The following KALRN variants were observed in gnomAD, a reference collection of about 807,000 sequenced individuals.
KALRN encodes kalirin.
In KALRN, 70 loss-of-function variants were observed where a neutral mutation model predicts 353.7. The observed-to-expected ratio is 0.20, with a 90% CI of 0.16 to 0.24. The LOEUF (loss-of-function observed/expected upper bound fraction) is 0.24, where lower values mean the gene tolerates loss of function less well. KALRN is among the 10% of genes least tolerant of loss of function. The pLI is 1.00. For missense variants in KALRN, 2,791 were observed against 3,756.7 expected (o/e 0.74, Z 6.72); for synonymous variants, 1,391 against 1,434.8 (o/e 0.97, Z 0.69).
At chr3:124,447,454 T>G (rs1046289806) in intron 21 of KALRN, among the ~76,000 whole-genome samples, 13 of 152,200 alleles carry the variant, frequency 8.5e-5, no homozygotes, top group African/African-American at 3.1e-4. Context: ...TGGGAAATGC[T>G]ATAATAGAAG....
rs1560856604 is a variant in KALRN at position 124,413,464 on chromosome 3, TCA to T, written c.2347-3_2347-2del. The T allele has an allele frequency of 1.2e-6, 2 of 1,613,190 alleles. No individual in the cohort carries two copies. Among genetic ancestry groups the T allele is most frequent in the Non-Finnish European group, 1.7e-6 (2 of 1,179,392 alleles). The stretch of plus-strand genomic sequence containing the variant: ...GCCTGTGCTGATGACAGTGGTTCCC[TCA>T]CAGGTGACAGCAGAGCTAGACGCCT... On this transcript the variant is annotated splice_region_variant and splice_polypyrimidine_tract_variant and intron_variant, in intron 13 of 59. Coordinates refer to ENST00000682506, the MANE Select transcript of KALRN (RefSeq NM_001388419.1).
At chr3:124,174,339 C>T (rs2072345710) in intron 1 of KALRN, among the ~76,000 whole-genome samples, 1 of 152,088 alleles carries the variant, frequency 6.6e-6, no homozygotes, top group African/African-American at 2.4e-5. Context: ...GAGGCTGAGG[C>T]AGGAGAATCT....
chr3:124,422,210 A>G (rs2092813089), intron 14 of KALRN, among the ~76,000 whole-genome samples: 1 of 152,190 alleles, frequency 6.6e-6, no homozygotes, highest in Non-Finnish European at 1.5e-5. Context: ...GAGCTAGCTT[A>G]TATTTCTAAC....
chr3:124,676,692 G>A (rs750275114), intron 49 of KALRN, among the ~76,000 whole-genome samples: 1 of 152,176 alleles, frequency 6.6e-6, no homozygotes, highest in Non-Finnish European at 1.5e-5. Context: ...ACAACGTGCT[G>A]CCTGCCCTGG....
chr3:124,038,907 T>G (rs1412436736), intron 1 of KALRN, among the ~76,000 whole-genome samples: 1 of 152,266 alleles, frequency 6.6e-6, no homozygotes, highest in Admixed American at 6.5e-5. Flanking sequence ...GAATTATCTT[T>G]CATAGTTAGC....
chr3:124,575,045 A>G (rs1204989588), intron 34 of KALRN, among the ~76,000 whole-genome samples: 3 of 152,256 alleles, frequency 2.0e-5, no homozygotes, highest in East Asian at 1.9e-4. Context: ...CAAACCCTGC[A>G]AACAAGCATG....
rs371717147 is a variant in KALRN, at chr3:124,102,984, G to A, written c.73+69171G>A. Among the ~76,000 whole-genome samples, 67 of 152,288 alleles carry A rather than the reference G, an allele frequency of 4.4e-4. No homozygotes were observed. The South Asian group carries it at 0.013, about 29-fold the overall frequency. On this transcript the variant is annotated intron_variant, in intron 1 of 59. Coordinates refer to ENST00000682506, the MANE Select transcript of KALRN (RefSeq NM_001388419.1). ...GGAAACAGGCTCGTAGAGATTAAGT[G>A]CTTGGTTAAAGTCAGAGAGCTGCTA...
At chr3:124,259,347 G>A (rs1274317059) in intron 3 of KALRN, among the ~76,000 whole-genome samples, 1 of 152,220 alleles carries the variant, frequency 6.6e-6, no homozygotes, top group Non-Finnish European at 1.5e-5. Context: ...ACAGGCATCA[G>A]CTGATAGCTC....
chr3:124,274,321 T>C (rs1046827072), intron 5 of KALRN, among the ~76,000 whole-genome samples: 3 of 152,156 alleles, frequency 2.0e-5, no homozygotes, highest in African/African-American at 7.2e-5. Flanking sequence ...ATATCGAAAC[T>C]CCCATCTGCC....
At chr3:124,333,544 T>C (rs1393107900) in intron 8 of KALRN, among the ~76,000 whole-genome samples, 1 of 152,192 alleles carries the variant, frequency 6.6e-6, no homozygotes, top group East Asian at 1.9e-4. Context: ...TTACATTGAC[T>C]TCATTTCTGA....
intron 18 of KALRN, 54 bp downstream of exon 18, chr3:124,439,091 T>C (rs2093576250): frequency 1.3e-6 from 2 of 1,517,726 alleles, no homozygotes; most frequent in African/African-American, 2.8e-5. Context: ...GCCGCCTTGT[T>C]CTTTCATCCT....
intron 1 of KALRN, among the ~76,000 whole-genome samples, chr3:124,077,697 A>G (rs1267665545): frequency 3.9e-5 from 6 of 152,122 alleles, no homozygotes; most frequent in Admixed American, 3.9e-4. Flanking sequence ...CTGACTCCCA[A>G]TCTATTCTCC....
At position 124,247,672 on chromosome 3, in the gene KALRN, A is replaced by G. The variant is rs7631953; in HGVS notation, c.263+12729A>G. ...TCCCACTGTCCCCCTGACCTTTTTC[A>G]TCAGCCACAAACATTGAAGATAAAA... On this transcript the variant is annotated intron_variant, in intron 3 of 59. Transcript: ENST00000682506. Among the ~76,000 whole-genome samples, 903 of 152,266 alleles carry G rather than the reference A, an allele frequency of 5.9e-3. 5 individuals are homozygous for G. The highest frequency in any genetic ancestry group is 0.02 in the African/African-American group (828 of 41,570).
At chr3:124,667,372 T>C (rs577416266) in intron 47 of KALRN, among the ~76,000 whole-genome samples, 189 bp downstream of exon 47, 3 of 152,280 alleles carry the variant, frequency 2.0e-5, no homozygotes, top group African/African-American at 7.2e-5. Flanking sequence ...AGATAGGGTA[T>C]GAAAAAGAAG....
chr3:124,389,259 TAGG>T (rs1392076420), intron 11 of KALRN, among the ~76,000 whole-genome samples: 5 of 152,188 alleles, frequency 3.3e-5, no homozygotes, highest in Admixed American at 2.0e-4. Flanking sequence ...GCCCCTTTTG[TAGG>T]AGATTTCTAA....
intron 34 of KALRN, among the ~76,000 whole-genome samples, chr3:124,566,230 G>A (rs995897099): frequency 2.0e-4 from 30 of 152,202 alleles, no homozygotes; most frequent in Non-Finnish European, 8.8e-5. Flanking sequence ...GCCAGGCGCA[G>A]TGGCTCACTC....
intron 10 of KALRN, among the ~76,000 whole-genome samples, chr3:124,355,739 A>C (rs2083328730): frequency 1.2e-5 from 1 of 86,708 alleles, no homozygotes; most frequent in Non-Finnish European, 2.4e-5. Flanking sequence ...TTTTTGAGAC[A>C]GAGTCTCGCT....
chr3:124,095,027 A>G lies in KALRN; in HGVS notation c.73+61214A>G, dbSNP rs2061350737. On this transcript the variant is annotated intron_variant, in intron 1 of 59. Coordinates refer to ENST00000682506, the MANE Select transcript of KALRN (RefSeq NM_001388419.1). ...GGGGGGTCAAGAAGAGAGAGAAGGA[A>G]TGAAACAGAGGCAAGTAGCAAACCC... 3.2e-6 allele frequency: 3 copies of G among 942,492 alleles called. No homozygotes were observed. In the African/African-American group the frequency reaches 4.9e-5, roughly 15 times the overall value. The allele number at this position is 942,492 out of a possible 1,614,324, so 58.4% of individuals were successfully genotyped here. A position where few individuals can be genotyped will look rare whatever the true frequency, so the allele number is the denominator to read the frequency against.
At chr3:124,040,988 A>T (rs926869761) in intron 1 of KALRN, among the ~76,000 whole-genome samples, 3 of 152,184 alleles carry the variant, frequency 2.0e-5, no homozygotes, top group African/African-American at 7.2e-5. Flanking sequence ...GCTCTCTTTC[A>T]TTCATTCATT....
Sources: gnomAD v4.1 joint callset for allele counts (sites outside exome capture counted in the v4.1 genomes callset) on GRCh38, gnomAD v4.1.1 for gene constraint, MANE v1.5 for transcripts, NCBI Gene and HGNC (gene_info 2026-07-23, HGNC 2026-07-21) for gene names.